The following MDN1 variants were observed in gnomAD, a reference collection of about 807,000 sequenced individuals.
MDN1 encodes the protein midasin AAA ATPase 1.
MDN1 carries 266 observed loss-of-function variants against 669.2 expected under a neutral mutation model. That is an observed-to-expected ratio of 0.40 (90% CI 0.36 to 0.44). The LOEUF (loss-of-function observed/expected upper bound fraction) is 0.44, where lower values mean the gene tolerates loss of function less well. Ranked by LOEUF, MDN1 falls within the 20% of genes least tolerant of loss-of-function variation. The pLI, the probability that MDN1 is intolerant of heterozygous loss-of-function variation, is 1.00. For missense variants in MDN1, 5,940 were observed against 6,754.0 expected (o/e 0.88, Z 4.22); for synonymous variants, 2,385 against 2,457.1 (o/e 0.97, Z 0.87).
At chr6:89,683,056 G>T in intron 73 of MDN1, 76 bp downstream of exon 73, 1 of 1,416,266 alleles carries the variant, frequency 7.1e-7, no homozygotes, top group Non-Finnish European at 9.9e-7. Flanking sequence ...TAGTACTGAG[G>T]CATGCCTTGC....
At position 89,723,034 on chromosome 6, in the gene MDN1, G is replaced by T. The variant is rs771502653; in HGVS notation, c.5888C>A (p.Ser1963Tyr). The change falls in exon 40 of 102, where the codon TCC (serine) becomes TAC (tyrosine). Residue 1963 changes from serine (S) to tyrosine (Y), a missense_variant. Ser to Tyr is a moderately radical substitution (Grantham distance 144). Coordinates refer to ENST00000369393, the MANE Select transcript of MDN1 (RefSeq NM_014611.3). ...CTGACCAGGATCATAACACCCAGGG[G>T]ACTGGTCAACCAGCATCAACTGACA... ...RWCQLMLVDQ[S>Y]PGCYDPGQHV... 2.5e-6 allele frequency: 4 copies of T among 1,613,922 alleles called. No homozygotes were observed. In the African/African-American group the frequency reaches 5.3e-5, roughly 22 times the overall value.
At chr6:89,796,654 G>A (rs959463022) in intron 2 of MDN1, among the ~76,000 whole-genome samples, 1 of 152,138 alleles carries the variant, frequency 6.6e-6, no homozygotes, top group Non-Finnish European at 1.5e-5. Flanking sequence ...GGATGTGTGG[G>A]TACAGTGTGT....
chr6:89,763,631 A>C (rs1817663638), intron 15 of MDN1, among the ~76,000 whole-genome samples: 1 of 152,238 alleles, frequency 6.6e-6, no homozygotes, highest in South Asian at 2.1e-4. Flanking sequence ...TTCAGGAAGA[A>C]TGAGATAAAT....
At chr6:89,683,391 T>TA (rs1811779925) in intron 72 of MDN1, 61 bp from the exon 73 acceptor site, 2 of 1,389,336 alleles carry the variant, frequency 1.4e-6, no homozygotes, top group African/African-American at 1.4e-5. Context: ...TGAAGACATA[T>TA]AAAAAATACA....
intron 12 of MDN1, among the ~76,000 whole-genome samples, chr6:89,775,707 A>G (rs1818321071): frequency 6.6e-6 from 1 of 152,126 alleles, no homozygotes; most frequent in South Asian, 2.1e-4. Context: ...TTTATCAGAG[A>G]AAGAGTCTGG....
chr6:89,719,333 T>C (rs914971696), intron 40 of MDN1, 108 bp from the exon 41 acceptor site: 28 of 821,674 alleles, frequency 3.4e-5, no homozygotes, highest in Non-Finnish European at 5.2e-5. Flanking sequence ...CTAAAAACAC[T>C]GGCCACAATT....
intron 74 of MDN1, among the ~76,000 whole-genome samples, chr6:89,679,466 C>T (rs1811452527): frequency 1.3e-5 from 2 of 152,162 alleles, no homozygotes; most frequent in South Asian, 4.1e-4. Flanking sequence ...ATGTTAAAGT[C>T]CCAACCCCTA....
chr6:89,737,950 C>T (rs1475878003), intron 33 of MDN1, among the ~76,000 whole-genome samples: 1 of 152,140 alleles, frequency 6.6e-6, no homozygotes, highest in African/African-American at 2.4e-5. Context: ...TCTCGAACTC[C>T]TGACCTCAAG....
rs1246260767 is a variant in MDN1, at chr6:89,683,337, C to T, written c.11904-7G>A. 6.2e-7 allele frequency: 1 copy of T among 1,613,066 alleles called. No individual in the cohort carries two copies. Among genetic ancestry groups the T allele is most frequent in the Non-Finnish European group, 8.5e-7 (1 of 1,179,526 alleles). ...CATGAATTTAAAGAGTGTCCTGTCC[C>T]CAGGTAATGACAGAGATAAGAAGAA... On this transcript the variant is annotated splice_polypyrimidine_tract_variant and splice_region_variant and intron_variant, in intron 72 of 101. Coordinates refer to ENST00000369393, the MANE Select transcript of MDN1 (RefSeq NM_014611.3).
chr6:89,751,593 C>T lies in MDN1; in HGVS notation c.3076-11G>A, dbSNP rs747673136. 3 of 1,611,568 alleles carry T rather than the reference C, an allele frequency of 1.9e-6. No individual in the cohort carries two copies. The African/African-American group carries it at 4.0e-5, about 22-fold the overall frequency. ...TGGCTCTGGAATAGGCTGAAAGACACAGAAGTTCAAGGAATAACCCACAGT... is the reference window on the plus strand; with the variant it reads ...TGGCTCTGGAATAGGCTGAAAGACATAGAAGTTCAAGGAATAACCCACAGT... On this transcript the variant is annotated splice_polypyrimidine_tract_variant and intron_variant, in intron 22 of 101. Transcript: ENST00000369393.
intron 2 of MDN1, among the ~76,000 whole-genome samples, chr6:89,801,987 C>T (rs1198929188): frequency 2.6e-5 from 4 of 151,746 alleles, no homozygotes; most frequent in African/African-American, 9.7e-5. Context: ...AGAAAATAAT[C>T]AACACATAAC....
chr6:89,670,159 TATATATATATA>T lies in MDN1; in HGVS notation c.13956+749_13956+759del, dbSNP rs1267747112. The stretch of plus-strand genomic sequence containing the variant: ...AAAAACATATATATATATATATATA[TATATATATATA>T]TTTTTTTTTTTTTTTTTTTTGAGAT... On this transcript the variant is annotated intron_variant, in intron 83 of 101. Coordinates refer to ENST00000369393, the MANE Select transcript of MDN1 (RefSeq NM_014611.3). Among the ~76,000 whole-genome samples, 8 of 25,272 alleles carry T rather than the reference TATATATATATA, an allele frequency of 3.2e-4. No individual in the cohort carries two copies. The South Asian group carries it at 4.9e-3, about 15-fold the overall frequency. The allele number at this position is 25,272 out of a possible 152,430, so 16.6% of individuals were successfully genotyped here. A position where few individuals can be genotyped will look rare whatever the true frequency, so the allele number is the denominator to read the frequency against.
rs1819049976 is a variant in MDN1, at chr6:89,787,887, A to G, written c.1301T>C (p.Val434Ala). 2 of 1,613,602 alleles carry G rather than the reference A, an allele frequency of 1.2e-6. No homozygotes were observed. The highest frequency in any genetic ancestry group is 1.7e-6 in the Non-Finnish European group (2 of 1,179,986). Residue 434 changes from valine (V) to alanine (A), a missense_variant, in exon 8 of 102, where the codon GTG becomes GCG. Val to Ala is a moderately conservative substitution (Grantham distance 64). Around this residue, in one of 5 missense-constraint regions of MDN1, gnomAD observed 1,203 missense variants for 1,268.9 expected, o/e 0.95. Coordinates refer to ENST00000369393, the MANE Select transcript of MDN1 (RefSeq NM_014611.3). ...TGCAAAAAACTGAAATCCAGGTGCC[A>G]CTTTCAGACAGTCACCTCGGCCAGG... The part of the protein sequence containing the change: ...LIPGRGDCLK[V>A]APGFQFFATR...
rs1247743923 is a variant in MDN1 at position 89,682,777 on chromosome 6, A to C, written c.12102+355T>G. Among the ~76,000 whole-genome samples, 380 of 91,996 alleles carry C rather than the reference A, an allele frequency of 4.1e-3. 3 individuals are homozygous for C. Among genetic ancestry groups the C allele is most frequent in the African/African-American group, 0.015 (351 of 23,106 alleles). 60.4% of individuals were successfully genotyped at this position (91,996 alleles called of 152,430 possible). A position where few individuals can be genotyped will look rare whatever the true frequency, so the allele number is the denominator to read the frequency against. On this transcript the variant is annotated intron_variant, in intron 73 of 101. Transcript: ENST00000369393. Reference sequence around the variant, plus strand: ...CAACAAAGTGAGACCTCATCTCTACAAAAAAAAAAAAAAAAAAAAAAATAG... The same window carrying C: ...CAACAAAGTGAGACCTCATCTCTACCAAAAAAAAAAAAAAAAAAAAAATAG...
chr6:89,719,071 G>T (rs1183188626), intron 41 of MDN1, 41 bp from the exon 42 acceptor site: 3 of 1,613,748 alleles, frequency 1.9e-6, no homozygotes, highest in Non-Finnish European at 2.5e-6. Context: ...AGCGTGCCTG[G>T]TAGTGGGAGC....
At chr6:89,723,825 G>T (rs1439031291) in intron 38 of MDN1, among the ~76,000 whole-genome samples, 1 of 152,106 alleles carries the variant, frequency 6.6e-6, no homozygotes, top group Admixed American at 6.6e-5. Context: ...TAGAGGTTTT[G>T]TTTTTAAGGT....
intron 5 of MDN1, among the ~76,000 whole-genome samples, chr6:89,792,416 C>T (rs1302849409): frequency 2.0e-5 from 3 of 152,234 alleles, no homozygotes; most frequent in South Asian, 2.1e-4. Flanking sequence ...TGCTAAACAA[C>T]AGCAGGTCCA....
chr6:89,676,402 T>A (rs1252059421), intron 76 of MDN1, among the ~76,000 whole-genome samples, 195 bp from the exon 77 acceptor site: 2 of 152,124 alleles, frequency 1.3e-5, no homozygotes, highest in Non-Finnish European at 2.9e-5. Flanking sequence ...TCAGGGGAAA[T>A]AAATTATGCT....
Position 89,718,356 on chromosome 6 carries a change from AT to A in MDN1, c.6583+9del. ...GTAAGTTCCTGATACAGAGATCCAA[AT>A]ATACATACCTGCCTTGCAGTATGAG... On this transcript the variant is annotated intron_variant, in intron 43 of 101. Transcript: ENST00000369393. The A allele has an allele frequency of 8.1e-6, 13 of 1,611,538 alleles. No individual in the cohort carries two copies. The highest frequency in any genetic ancestry group is 1.1e-5 in the Non-Finnish European group (13 of 1,178,900).
Sources: gnomAD v4.1 joint callset for allele counts (sites outside exome capture counted in the v4.1 genomes callset) on GRCh38, gnomAD v4.1.1 for gene constraint, gnomAD v4.1.1 regional missense constraint, MANE v1.5 for transcripts, NCBI Gene and HGNC (gene_info 2026-07-23, HGNC 2026-07-21) for gene names.